The following CCDC178 variants were observed in gnomAD, a reference collection of about 807,000 sequenced individuals.
The protein encoded by CCDC178 is coiled-coil domain-containing protein 178.
CCDC178 carries 126 observed loss-of-function variants against 117.4 expected under a neutral mutation model. The ratio of observed to expected loss-of-function variants is 1.07; its 90% CI spans 0.93 to 1.24. The LOEUF (loss-of-function observed/expected upper bound fraction) is 1.24. Ranked by LOEUF, CCDC178 falls within the 50% of genes most tolerant of loss-of-function variation. The pLI is 0.00. For synonymous variants in CCDC178, 283 were observed against 313.4 expected, an observed-to-expected ratio of 0.90 and a Z score of 1.02; for missense variants, 1,030 against 986.9, an observed-to-expected ratio of 1.04 and a Z score of -0.59.
intron 22 of CCDC178, among the ~76,000 whole-genome samples, chr18:32,964,111 T>G (rs892364910): frequency 1.3e-5 from 2 of 152,024 alleles, no homozygotes; most frequent in African/African-American, 4.8e-5. Context: ...TAGAACAAAT[T>G]AGCTTATAAA....
chr18:33,363,172 G>A (rs932481060), intron 6 of CCDC178, among the ~76,000 whole-genome samples: 1 of 151,872 alleles, frequency 6.6e-6, no homozygotes, highest in Non-Finnish European at 1.5e-5. Flanking sequence ...CTAATTCAAG[G>A]AAAGTATGTT....
chr18:33,077,707 A>G (rs2145021070), intron 21 of CCDC178, among the ~76,000 whole-genome samples: 1 of 152,300 alleles, frequency 6.6e-6, no homozygotes, highest in Non-Finnish European at 1.5e-5. Context: ...CTGGACACAT[A>G]CACACTCCCA....
intron 9 of CCDC178, among the ~76,000 whole-genome samples, chr18:33,335,854 T>G (rs2062732472): frequency 6.6e-6 from 1 of 152,110 alleles, no homozygotes; most frequent in Admixed American, 6.5e-5. Context: ...TACTGATTCA[T>G]ACCCATTGAA....
intron 21 of CCDC178, among the ~76,000 whole-genome samples, chr18:33,015,820 T>G (rs2055976524): frequency 6.6e-6 from 1 of 152,022 alleles, no homozygotes; most frequent in African/African-American, 2.4e-5. Flanking sequence ...AAGGACCAAA[T>G]AAAAATGCTG....
At chr18:32,976,366 T>C (rs1314949416) in intron 21 of CCDC178, among the ~76,000 whole-genome samples, 1 of 152,106 alleles carries the variant, frequency 6.6e-6, no homozygotes, top group Non-Finnish European at 1.5e-5. Context: ...ATTAAGACTG[T>C]AATTATTGTT....
At chr18:32,944,764 A>C (rs2054309146) in intron 22 of CCDC178, among the ~76,000 whole-genome samples, 1 of 152,092 alleles carries the variant, frequency 6.6e-6, no homozygotes, top group East Asian at 1.9e-4. Flanking sequence ...ACCCAGTGGG[A>C]GATAATTAAT....
intron 20 of CCDC178, among the ~76,000 whole-genome samples, chr18:33,188,856 A>C (rs1360675940): frequency 6.6e-6 from 1 of 152,196 alleles, no homozygotes; most frequent in South Asian, 2.1e-4. Flanking sequence ...ATGTTATGGC[A>C]GCAATAGAAA....
intron 6 of CCDC178, among the ~76,000 whole-genome samples, chr18:33,367,765 A>T (rs2063233659): frequency 6.6e-6 from 1 of 152,024 alleles, no homozygotes; most frequent in African/African-American, 2.4e-5. Context: ...CAACACTAGC[A>T]AATCTAACTG....
At chr18:33,006,937 C>T (rs558433424) in intron 21 of CCDC178, among the ~76,000 whole-genome samples, 1 of 151,980 alleles carries the variant, frequency 6.6e-6, no homozygotes, top group South Asian at 2.1e-4. Context: ...AGGAACACAG[C>T]CTGGCTGACA....
At chr18:33,008,874 C>G (rs928208724) in intron 21 of CCDC178, among the ~76,000 whole-genome samples, 1 of 152,052 alleles carries the variant, frequency 6.6e-6, no homozygotes, top group Non-Finnish European at 1.5e-5. Flanking sequence ...CAACTCCAGA[C>G]CTGTTTATCA....
At chr18:33,424,451 G>C (rs999533332) in intron 2 of CCDC178, among the ~76,000 whole-genome samples, 6 of 152,174 alleles carry the variant, frequency 3.9e-5, no homozygotes, top group Non-Finnish European at 5.9e-5. Flanking sequence ...GACTCAGCTG[G>C]ATTGGTGTAC....
chr18:33,323,713 AT>A, intron 10 of CCDC178, 80 bp from the exon 11 acceptor site: 2 of 846,862 alleles, frequency 2.4e-6, no homozygotes, highest in Non-Finnish European at 3.2e-6. Context: ...TGTAGTATTG[AT>A]TTAGATCAAA....
intron 9 of CCDC178, among the ~76,000 whole-genome samples, chr18:33,345,190 A>G (rs924426140): frequency 2.6e-5 from 4 of 152,152 alleles, no homozygotes; most frequent in Non-Finnish European, 5.9e-5. Flanking sequence ...ATATTAATAA[A>G]AAAGCTCTTA....
At chr18:33,347,944 T>A (rs2062919492) in intron 8 of CCDC178, among the ~76,000 whole-genome samples, 1 of 152,026 alleles carries the variant, frequency 6.6e-6, no homozygotes, top group Non-Finnish European at 1.5e-5. Context: ...CATAAGGCCT[T>A]GATTACAACA....
chr18:33,381,215 T>C (rs373889057), intron 5 of CCDC178, among the ~76,000 whole-genome samples: 4 of 152,092 alleles, frequency 2.6e-5, no homozygotes, highest in African/African-American at 9.7e-5. Flanking sequence ...GCCTGAACAA[T>C]AGTAATAAGA....
At chr18:33,129,586 T>G (rs568954478) in intron 20 of CCDC178, among the ~76,000 whole-genome samples, 1 of 152,214 alleles carries the variant, frequency 6.6e-6, no homozygotes, top group African/African-American at 2.4e-5. Flanking sequence ...GGATCCCATC[T>G]GTTAATGCTA....
At chr18:33,140,698 T>A (rs534244080) in intron 20 of CCDC178, among the ~76,000 whole-genome samples, 97 of 152,246 alleles carry the variant, frequency 6.4e-4, no homozygotes, top group African/African-American at 2.2e-3. Context: ...GGGACTTGCC[T>A]TGTCTCAGAT....
chr18:33,365,301 A>G (rs1056493575), intron 6 of CCDC178, among the ~76,000 whole-genome samples: 2 of 152,096 alleles, frequency 1.3e-5, no homozygotes, highest in Admixed American at 6.6e-5. Context: ...AAGTTTTCCA[A>G]TGAGAATGAC....
chr18:33,175,454 G>A (rs1053721334), intron 20 of CCDC178, among the ~76,000 whole-genome samples: 1 of 151,880 alleles, frequency 6.6e-6, no homozygotes, highest in East Asian at 1.9e-4. Context: ...ATATCCTCCC[G>A]CCTCAGCCTC....
Sources: allele counts gnomAD v4.1 joint callset (sites outside exome capture counted in the v4.1 genomes callset), GRCh38; gene constraint gnomAD v4.1.1; transcripts MANE v1.5; gene names NCBI Gene and HGNC (gene_info 2026-07-23, HGNC 2026-07-21).